The following BCAS3 variants were observed in gnomAD, a reference collection of about 807,000 sequenced individuals.
The protein encoded by BCAS3 is BCAS3 microtubule associated cell migration factor.
Under a neutral mutation model 116.1 loss-of-function variants are expected in BCAS3, and 53 were observed. The ratio of observed to expected loss-of-function variants is 0.46; its 90% confidence interval spans 0.37 to 0.57. The LOEUF (loss-of-function observed/expected upper bound fraction) is 0.57, where lower values mean the gene tolerates loss of function less well. BCAS3 is among the 20% of genes least tolerant of loss of function. The pLI, the probability that BCAS3 is intolerant of heterozygous loss-of-function variation, is 0.00. For synonymous variants in BCAS3, 391 were observed against 408.2 expected, an observed-to-expected ratio of 0.96 and a Z score of 0.51; for missense variants, 917 against 1,165.4, an observed-to-expected ratio of 0.79 and a Z score of 3.10.
At chr17:60,767,201 C>T (rs1196101283) in intron 6 of BCAS3, among the ~76,000 whole-genome samples, 1 of 152,144 alleles carries the variant, frequency 6.6e-6, no homozygotes. Flanking sequence ...GTGGGCTGCA[C>T]CCACTGTCTG....
chr17:61,018,295 T>TG, intron 16 of BCAS3, among the ~76,000 whole-genome samples: 2 of 117,826 alleles, frequency 1.7e-5, no homozygotes, highest in African/African-American at 9.8e-5. Context: ...CCCCAGTTTT[T>TG]TTTTTTTTTT....
At position 61,356,405 on chromosome 17, in the gene BCAS3, C is replaced by G. The variant is rs114877861; in HGVS notation, c.2426-11922C>G. ...AAACAGAAGAGTAAAGGGTCTCTGGCGTCCAGTCTGGGAATGCCAGCTTCA... is the reference window on the plus strand; with the variant it reads ...AAACAGAAGAGTAAAGGGTCTCTGGGGTCCAGTCTGGGAATGCCAGCTTCA... On this transcript the variant is annotated intron_variant, in intron 22 of 23. Coordinates refer to ENST00000407086, the MANE Select transcript of BCAS3 (RefSeq NM_017679.5). The surrounding 1 kb of genome is among the most constrained non-coding windows in gnomAD (Gnocchi z 5.4). 6.6e-6 allele frequency among the ~76,000 whole-genome samples: 1 copy of G among 152,182 alleles called. No individual in the cohort carries two copies. Among genetic ancestry groups the G allele is most frequent in the Non-Finnish European group, 1.5e-5 (1 of 68,026 alleles).
In BCAS3 at chr17:60,771,399, T is replaced by A. The variant is rs184057882; in HGVS notation, c.403+24120T>A. On this transcript the variant is annotated intron_variant, in intron 6 of 23. Coordinates refer to ENST00000407086, the MANE Select transcript of BCAS3 (RefSeq NM_017679.5). ...TACATTACTACATTTTAATTTTAAG[T>A]TGTCAGGATAAAGTATGTTGCAAAG... Among the ~76,000 whole-genome samples the A allele has an allele frequency of 2.6e-5, 4 of 151,754 alleles. No individual in the cohort carries two copies. The East Asian group carries it at 7.7e-4, about 29-fold the overall frequency.
chr17:60,724,597 C>T (rs577657768), intron 5 of BCAS3, among the ~76,000 whole-genome samples: 2 of 151,562 alleles, frequency 1.3e-5, no homozygotes, highest in Admixed American at 6.6e-5. Context: ...TGGTGGAATG[C>T]ACCTGTAAGC....
At chr17:61,074,106 C>T (rs113537823) in intron 19 of BCAS3, among the ~76,000 whole-genome samples, 5,721 of 132,714 alleles carry the variant, frequency 0.043, 434 homozygotes, top group African/African-American at 0.15. Context: ...AAGATCCTAT[C>T]TCTTAAGAAA....
intron 6 of BCAS3, among the ~76,000 whole-genome samples, chr17:60,757,363 T>TAAA (rs779963306): frequency 6.7e-6 from 1 of 148,872 alleles, no homozygotes; most frequent in African/African-American, 2.5e-5. Flanking sequence ...AATAAATAAA[T>TAAA]GAGTTTCTCT....
chr17:60,713,243 G>A (rs1434379232), intron 5 of BCAS3, among the ~76,000 whole-genome samples: 4 of 152,256 alleles, frequency 2.6e-5, no homozygotes, highest in Non-Finnish European at 4.4e-5. Flanking sequence ...TTGGAATATC[G>A]TTTTCTGAGC....
At chr17:60,744,013 G>A (rs1040529590) in intron 5 of BCAS3, among the ~76,000 whole-genome samples, 3 of 152,064 alleles carry the variant, frequency 2.0e-5, no homozygotes, top group African/African-American at 4.8e-5. Flanking sequence ...AAACTGGTAC[G>A]TCCGGTTTAT....
At chr17:61,340,219 C>G (rs1025672834) in intron 22 of BCAS3, among the ~76,000 whole-genome samples, 2 of 143,888 alleles carry the variant, frequency 1.4e-5, no homozygotes, top group Non-Finnish European at 3.0e-5. Context: ...TTCTTTTTTT[C>G]TTTTTAATGG....
At chr17:60,847,908 C>T (rs1365114308) in intron 7 of BCAS3, among the ~76,000 whole-genome samples, 1 of 152,140 alleles carries the variant, frequency 6.6e-6, no homozygotes, top group East Asian at 1.9e-4. Flanking sequence ...ATCTGAGAAT[C>T]AATTGCCAAA....
rs2059908818 is a variant in BCAS3 at position 61,387,343 on chromosome 17, C to T, written c.2594-4634C>T. On this transcript the variant is annotated intron_variant, in intron 23 of 23. Coordinates refer to ENST00000407086, the MANE Select transcript of BCAS3 (RefSeq NM_017679.5). The surrounding 1 kb of genome is among the most constrained non-coding windows in gnomAD (Gnocchi z 6.2). Reference sequence around the variant, plus strand: ...AAAGAGTGACCCCACCCCACCCCATCTCCCTGGGCACACGCTCCCAAGTGA... The same window carrying T: ...AAAGAGTGACCCCACCCCACCCCATTTCCCTGGGCACACGCTCCCAAGTGA... Among the ~76,000 whole-genome samples the T allele has an allele frequency of 6.6e-6, 1 of 152,212 alleles. No homozygotes were observed. The highest frequency in any genetic ancestry group is 1.5e-5 in the Non-Finnish European group (1 of 68,038).
intron 22 of BCAS3, among the ~76,000 whole-genome samples, chr17:61,138,803 G>A (rs1220843098): frequency 6.6e-6 from 1 of 151,932 alleles, no homozygotes; most frequent in Non-Finnish European, 1.5e-5. Context: ...AATTCTTTTT[G>A]GGCATTTTTC....
chr17:61,027,383 T>A (rs371524971), intron 16 of BCAS3: 4 of 452,300 alleles, frequency 8.8e-6, no homozygotes, highest in Middle Eastern at 3.7e-4. Flanking sequence ...TGTTTTTGAA[T>A]AGTTTAGGTA....
chr17:60,970,615 A>T (rs1052728507), intron 14 of BCAS3, among the ~76,000 whole-genome samples: 6 of 152,230 alleles, frequency 3.9e-5, no homozygotes, highest in African/African-American at 1.2e-4. Flanking sequence ...TTCAAAAGTC[A>T]AATTATCAGG....
intron 7 of BCAS3, among the ~76,000 whole-genome samples, chr17:60,828,956 G>A (rs2050672575): frequency 6.6e-6 from 1 of 152,148 alleles, no homozygotes; most frequent in Admixed American, 6.5e-5. Context: ...TATCTAGCGT[G>A]TAGAGTCAAA....
rs1336576700 is a variant in BCAS3, at chr17:61,016,000, C to A, written c.1637+99C>A. ...TTCTTTGTGTGGTTTTTATTATGTT[C>A]TTCATTTCCAGCTCAAATAAGACTT... On this transcript the variant is annotated intron_variant, in intron 16 of 23. Coordinates refer to ENST00000407086, the MANE Select transcript of BCAS3 (RefSeq NM_017679.5). 1.3e-5 allele frequency: 16 copies of A among 1,272,930 alleles called. No homozygotes were observed. The Admixed American group carries it at 3.4e-4, about 27-fold the overall frequency. The allele number at this position is 1,272,930 out of a possible 1,614,324, so 78.9% of individuals were successfully genotyped here.
chr17:61,316,773 T>C lies in BCAS3; in HGVS notation c.2426-51554T>C, dbSNP rs2054780847. On this transcript the variant is annotated intron_variant, in intron 22 of 23. Transcript: ENST00000407086. The surrounding 1 kb of genome is among the most constrained non-coding windows in gnomAD (Gnocchi z 5.8). The stretch of plus-strand genomic sequence containing the variant: ...TTTTAGTCAAACATCTGCTCAACTG[T>C]ATGTGCTGTGCTAGATTCCTCGGGG... 6.6e-6 allele frequency among the ~76,000 whole-genome samples: 1 copy of C among 152,228 alleles called. No individual in the cohort carries two copies. The highest frequency in any genetic ancestry group is 2.1e-4 in the South Asian group (1 of 4,832).
chr17:61,209,487 G>C (rs1465497926), intron 22 of BCAS3, among the ~76,000 whole-genome samples: 1 of 152,220 alleles, frequency 6.6e-6, no homozygotes, highest in Non-Finnish European at 1.5e-5. Flanking sequence ...GCAAGGGGAG[G>C]AGGGAAAGGA....
chr17:60,781,170 A>G (rs1298345629), intron 6 of BCAS3, among the ~76,000 whole-genome samples: 1 of 151,464 alleles, frequency 6.6e-6, no homozygotes, highest in Non-Finnish European at 1.5e-5. Context: ...GGGTCTCACC[A>G]TGTTGGCTAG....
Sources: gnomAD v4.1 joint callset for allele counts (sites outside exome capture counted in the v4.1 genomes callset) on GRCh38, gnomAD v4.1.1 for gene constraint, Gnocchi (gnomAD v3.1) non-coding constraint, MANE v1.5 for transcripts, NCBI Gene and HGNC (gene_info 2026-07-23, HGNC 2026-07-21) for gene names.